Variants in CSMD1 observed in about 807,000 individuals in gnomAD.
The protein encoded by CSMD1 is CUB and sushi domain-containing protein 1.
Under a neutral mutation model 417.5 loss-of-function variants are expected in CSMD1, and 213 were observed. The ratio of observed to expected loss-of-function variants is 0.51; its 90% CI spans 0.46 to 0.57. CSMD1 has a LOEUF of 0.57. CSMD1 is among the 20% of genes least tolerant of loss of function. The pLI is 0.00. For missense variants in CSMD1, 6,923 were observed against 4,529.7 expected, an observed-to-expected ratio of 1.53 and a Z score of -15.17; for synonymous variants, 2,862 against 1,736.8, an observed-to-expected ratio of 1.65 and a Z score of -16.11.
intron 5 of CSMD1, among the ~76,000 whole-genome samples, chr8:3,848,404 G>C (rs1563141766): frequency 6.6e-6 from 1 of 152,088 alleles, no homozygotes; most frequent in East Asian, 1.9e-4. Context: ...GGCATAGTTG[G>C]TGTTTTTTAA....
At chr8:4,264,252 A>T (rs2128844720) in intron 3 of CSMD1, among the ~76,000 whole-genome samples, 1 of 152,338 alleles carries the variant, frequency 6.6e-6, no homozygotes, top group South Asian at 2.1e-4. Flanking sequence ...GAATAATTTT[A>T]AGAATAGACT....
chr8:3,115,212 T>C (rs1330154102), intron 42 of CSMD1, among the ~76,000 whole-genome samples: 2 of 133,062 alleles, frequency 1.5e-5, no homozygotes, highest in African/African-American at 2.8e-5. Flanking sequence ...CCCCCTTTTT[T>C]TTTTTTGAGA....
chr8:4,801,266 G>A (rs576206393), intron 1 of CSMD1, among the ~76,000 whole-genome samples: 1 of 152,062 alleles, frequency 6.6e-6, no homozygotes, highest in Non-Finnish European at 1.5e-5. Context: ...AGCATTTTCA[G>A]GTCACCTTTA....
Position 4,788,413 on chromosome 8 carries a change from T to A in CSMD1, c.86-150855A>T, listed in dbSNP as rs557552402. ...CAGGATGTGTGGTCTTCTCTTTGACTACCCAGGGTCTTGGCTGTTCAACCA... is the reference window on the plus strand; with the variant it reads ...CAGGATGTGTGGTCTTCTCTTTGACAACCCAGGGTCTTGGCTGTTCAACCA... On this transcript the variant is annotated intron_variant, in intron 1 of 69. Coordinates refer to ENST00000635120, the MANE Select transcript of CSMD1 (RefSeq NM_033225.6). 76 of 1,335,304 alleles carry A rather than the reference T, an allele frequency of 5.7e-5. 1 individual carries two copies. The South Asian group carries it at 9.1e-4, about 16-fold the overall frequency. The allele number at this position is 1,335,304 out of a possible 1,614,324, so 82.7% of individuals were successfully genotyped here. A position where few individuals can be genotyped will look rare whatever the true frequency, so the allele number is the denominator to read the frequency against.
chr8:4,461,051 C>T (rs1478632341), intron 2 of CSMD1, among the ~76,000 whole-genome samples: 1 of 152,118 alleles, frequency 6.6e-6, no homozygotes, highest in Non-Finnish European at 1.5e-5. Context: ...ACATATAAAG[C>T]ATTATATACT....
At position 3,597,421 on chromosome 8, in the gene CSMD1, C is replaced by CGA. The variant is rs1418739969; in HGVS notation, c.1098-11162_1098-11161insTC. On this transcript the variant is annotated intron_variant, in intron 8 of 69. Transcript: ENST00000635120. ...ATGGAATCCCAAATAAAGTAGGGAACTACTTTCAATGCAAGCCCCAAGACC... is the reference window on the plus strand; with the variant it reads ...ATGGAATCCCAAATAAAGTAGGGAACGATACTTTCAATGCAAGCCCCAAGACC... 3.1e-5 allele frequency among the ~76,000 whole-genome samples: 4 copies of CGA among 128,692 alleles called. No individual in the cohort carries two copies. In the South Asian group the frequency reaches 7.7e-4, roughly 25 times the overall value. The allele number at this position is 128,692 out of a possible 152,430, so 84.4% of individuals were successfully genotyped here. A position where few individuals can be genotyped will look rare whatever the true frequency, so the allele number is the denominator to read the frequency against.
chr8:3,188,030 G>A (rs1038837421), intron 35 of CSMD1, 65 bp from the exon 36 acceptor site: 3 of 1,181,854 alleles, frequency 2.5e-6, no homozygotes, highest in African/African-American at 3.1e-5. Flanking sequence ...TAATTAGATG[G>A]GGTTTTGGGG....
intron 1 of CSMD1, among the ~76,000 whole-genome samples, chr8:4,904,734 C>G (rs938365975): frequency 2.6e-5 from 4 of 151,814 alleles, no homozygotes; most frequent in Non-Finnish European, 5.9e-5. Context: ...GATCTTAAAG[C>G]AAAATTAAAA....
At chr8:3,595,760 T>C (rs1457691518) in intron 8 of CSMD1, among the ~76,000 whole-genome samples, 1 of 152,248 alleles carries the variant, frequency 6.6e-6, no homozygotes, top group African/African-American at 2.4e-5. Flanking sequence ...ACCTGCCATT[T>C]GCTAAACAAC....
intron 3 of CSMD1, among the ~76,000 whole-genome samples, chr8:4,321,104 G>C (rs1390721272): frequency 6.6e-6 from 1 of 152,018 alleles, no homozygotes; most frequent in African/African-American, 2.4e-5. Context: ...TTTTTGTCTA[G>C]ACTCTAGTCT....
At chr8:3,306,816 T>C (rs1024360103) in intron 25 of CSMD1, among the ~76,000 whole-genome samples, 6 of 152,136 alleles carry the variant, frequency 3.9e-5, no homozygotes, top group African/African-American at 1.2e-4. Flanking sequence ...TCTGAGTAGA[T>C]CACCAAGAGC....
At chr8:4,964,569 C>T (rs978182962) in intron 1 of CSMD1, among the ~76,000 whole-genome samples, 2 of 141,328 alleles carry the variant, frequency 1.4e-5, no homozygotes, top group Non-Finnish European at 3.0e-5. Flanking sequence ...AGCAGGAGCA[C>T]AGAACCAAGA....
At chr8:3,692,932 G>GT (rs1360250333) in intron 7 of CSMD1, among the ~76,000 whole-genome samples, 2 of 151,838 alleles carry the variant, frequency 1.3e-5, no homozygotes, top group East Asian at 3.9e-4. Flanking sequence ...AAATAGAAGG[G>GT]TAAAAAAAAG....
At chr8:3,852,660 G>A (rs1206882499) in intron 5 of CSMD1, among the ~76,000 whole-genome samples, 2 of 142,096 alleles carry the variant, frequency 1.4e-5, no homozygotes, top group African/African-American at 2.8e-5. Context: ...ACTGAGGCAG[G>A]CCAAGATGAA....
intron 3 of CSMD1, among the ~76,000 whole-genome samples, chr8:4,374,911 G>A (rs1802627876): frequency 8.1e-6 from 1 of 124,078 alleles, no homozygotes; most frequent in Non-Finnish European, 1.6e-5. Context: ...TCTGTTCCAG[G>A]TTTCTAATCA....
intron 25 of CSMD1, among the ~76,000 whole-genome samples, chr8:3,286,391 G>A (rs1200760228): frequency 1.3e-5 from 2 of 152,014 alleles, no homozygotes; most frequent in Non-Finnish European, 2.9e-5. Flanking sequence ...AGATCCCTGA[G>A]GAATGGCCAC....
At chr8:3,688,261 T>C (rs748753771) in intron 7 of CSMD1, among the ~76,000 whole-genome samples, 4 of 152,208 alleles carry the variant, frequency 2.6e-5, no homozygotes, top group African/African-American at 7.2e-5. Flanking sequence ...TTACAAATAT[T>C]GTCTCTTTTC....
At chr8:4,829,586 A>G (rs1257378778) in intron 1 of CSMD1, among the ~76,000 whole-genome samples, 3 of 152,072 alleles carry the variant, frequency 2.0e-5, no homozygotes, top group African/African-American at 7.2e-5. Context: ...TAGAAAATTT[A>G]CACAATTAGC....
intron 5 of CSMD1, among the ~76,000 whole-genome samples, chr8:3,859,202 G>C (rs978721505): frequency 2.4e-4 from 37 of 152,258 alleles, no homozygotes; most frequent in African/African-American, 7.9e-4. Context: ...GCGTAGCAGA[G>C]GAGTACGTGG....
Sources: gnomAD v4.1 joint callset for allele counts (sites outside exome capture counted in the v4.1 genomes callset) on GRCh38, gnomAD v4.1.1 for gene constraint, MANE v1.5 for transcripts, NCBI Gene and HGNC (gene_info 2026-07-23, HGNC 2026-07-21) for gene names.